ITPR2: variants seen among roughly 807,000 people sequenced by gnomAD.
ITPR2 encodes the protein inositol 1,4,5-trisphosphate-gated calcium channel ITPR2.
A neutral mutation model predicts 317.1 loss-of-function variants in ITPR2; 207 were observed. That is an observed-to-expected ratio of 0.65 (90% CI 0.58 to 0.73). The LOEUF (loss-of-function observed/expected upper bound fraction) is 0.73. ITPR2 is among the 30% of genes least tolerant of loss of function. The pLI is 0.00. For missense variants in ITPR2, 2,613 were observed against 3,284.0 expected, an observed-to-expected ratio of 0.80 and a Z score of 4.99; for synonymous variants, 1,156 against 1,149.1, an observed-to-expected ratio of 1.01 and a Z score of -0.12.
intron 55 of ITPR2, among the ~76,000 whole-genome samples, chr12:26,363,368 C>A (rs1938900851): frequency 6.6e-6 from 1 of 152,128 alleles, no homozygotes; most frequent in African/African-American, 2.4e-5. Context: ...TATAATATTT[C>A]ATTATATGCT....
intron 32 of ITPR2, among the ~76,000 whole-genome samples, chr12:26,587,955 G>T (rs1271912477): frequency 1.3e-5 from 2 of 152,206 alleles, no homozygotes; most frequent in Middle Eastern, 3.2e-3. Context: ...AGAACTTGCA[G>T]AATTTGTGGA....
chr12:26,453,274 T>C (rs1252184054), intron 45 of ITPR2, among the ~76,000 whole-genome samples: 1 of 152,218 alleles, frequency 6.6e-6, no homozygotes, highest in Non-Finnish European at 1.5e-5. Flanking sequence ...TGTAAGAATA[T>C]ACATCAATAT....
chr12:26,681,900 G>GT lies in ITPR2; in HGVS notation c.1382dup (p.Asn461LysfsTer8), dbSNP rs747495707. 6.2e-7 allele frequency: 1 copy of GT among 1,612,130 alleles called. No homozygotes were observed. Among genetic ancestry groups the GT allele is most frequent in the South Asian group, 1.1e-5 (1 of 90,904 alleles). On this transcript the variant is annotated frameshift_variant, in exon 13 of 57. Coordinates refer to ENST00000381340, the MANE Select transcript of ITPR2 (RefSeq NM_002223.4). LOFTEE classifies it high-confidence loss of function. Reference sequence around the variant, plus strand: ...TCCTTTCATTCTGAGTTATTGTGCCGTTTTCTAGCTTTTTAACTGTGGTCG... The same window carrying GT: ...TCCTTTCATTCTGAGTTATTGTGCCGTTTTTCTAGCTTTTTAACTGTGGTCG...
At chr12:26,474,520 G>A (rs1425975895) in intron 45 of ITPR2, among the ~76,000 whole-genome samples, 1 of 152,150 alleles carries the variant, frequency 6.6e-6, no homozygotes, top group East Asian at 1.9e-4. Context: ...AAGGCCGGGC[G>A]CGGTGGCTCA....
chr12:26,430,860 G>A (rs1941186909), intron 48 of ITPR2, among the ~76,000 whole-genome samples: 1 of 152,094 alleles, frequency 6.6e-6, no homozygotes, highest in South Asian at 2.1e-4. Flanking sequence ...AGAACATGCT[G>A]CTTCTTACTT....
intron 33 of ITPR2, 86 bp from the exon 34 acceptor site, chr12:26,578,919 A>T: frequency 7.6e-7 from 1 of 1,308,094 alleles, no homozygotes; most frequent in Non-Finnish European, 1.0e-6. Context: ...AGAAAGGTTC[A>T]TCAAAATAAA....
intron 55 of ITPR2, among the ~76,000 whole-genome samples, chr12:26,383,471 TTTGTTTG>T (rs2136621573): frequency 7.6e-6 from 1 of 131,136 alleles, no homozygotes; most frequent in East Asian, 4.0e-4. Flanking sequence ...TGTTTTTTTG[TTTGTTTG>T]TTTGTTTGTT....
chr12:26,739,722 A>C (rs1315993947), intron 2 of ITPR2, among the ~76,000 whole-genome samples: 1 of 152,226 alleles, frequency 6.6e-6, no homozygotes, highest in Non-Finnish European at 1.5e-5. Flanking sequence ...TATTGGCTGC[A>C]CAACTGTATA....
chr12:26,421,500 C>T (rs1940888059), intron 49 of ITPR2: 1 of 130,842 alleles, frequency 7.6e-6, no homozygotes, highest in Non-Finnish European at 1.6e-5. Context: ...GCTGTGAATT[C>T]TCCTTTCTTC....
chr12:26,411,374 T>C lies in ITPR2; in HGVS notation c.7345A>G (p.Met2449Val), dbSNP rs541833277. Residue 2449 changes from methionine to valine, a missense_variant, in exon 52 of 57, where the codon ATG becomes GTG. Transcript: ENST00000381340. ...CAGTTCTCCTTGGCACATGCTTCCA[T>C]CATGGTAGTTAAAGTCATAGTAGGC... ...QVPTMTLTTMMEACAKENCSP... is the reference protein window; with the variant it reads ...QVPTMTLTTMVEACAKENCSP... 4.3e-6 allele frequency: 7 copies of C among 1,613,640 alleles called. No individual in the cohort carries two copies. In the African/African-American group the frequency reaches 5.3e-5, roughly 12 times the overall value.
chr12:26,691,739 C>T (rs777691092), intron 10 of ITPR2, among the ~76,000 whole-genome samples: 4 of 152,030 alleles, frequency 2.6e-5, no homozygotes, highest in Non-Finnish European at 4.4e-5. Context: ...TTAGCACAGA[C>T]ATCACGTTGC....
At chr12:26,461,681 C>CAT (rs10599348) in intron 45 of ITPR2, among the ~76,000 whole-genome samples, 11 of 85,184 alleles carry the variant, frequency 1.3e-4, no homozygotes, top group African/African-American at 2.9e-4. Flanking sequence ...TGCACACATA[C>CAT]ATATATATAT....
intron 54 of ITPR2, among the ~76,000 whole-genome samples, chr12:26,390,888 G>A (rs1939812694): frequency 6.6e-6 from 1 of 152,182 alleles, no homozygotes; most frequent in Non-Finnish European, 1.5e-5. Context: ...TCTACCAGTT[G>A]CAAGGTAATG....
intron 55 of ITPR2, among the ~76,000 whole-genome samples, chr12:26,344,966 G>T (rs570356885): frequency 6.6e-6 from 1 of 151,964 alleles, no homozygotes; most frequent in African/African-American, 2.4e-5. Flanking sequence ...ATCTGTCTGT[G>T]TTTTGGTTTG....
At chr12:26,784,512 C>T (rs1053143334) in intron 2 of ITPR2, among the ~76,000 whole-genome samples, 2 of 151,238 alleles carry the variant, frequency 1.3e-5, no homozygotes, top group African/African-American at 4.9e-5. Flanking sequence ...GACTGGTTTT[C>T]GGTTTTTTTT....
At chr12:26,490,637 C>T (rs1022547048) in intron 39 of ITPR2, among the ~76,000 whole-genome samples, 2 of 152,128 alleles carry the variant, frequency 1.3e-5, no homozygotes, top group African/African-American at 4.8e-5. Context: ...CAGGATGAAA[C>T]CCTGTCTCTA....
intron 37 of ITPR2, among the ~76,000 whole-genome samples, chr12:26,537,696 T>C (rs1364138966): frequency 2.0e-5 from 3 of 152,236 alleles, no homozygotes; most frequent in Non-Finnish European, 4.4e-5. Flanking sequence ...TGTGCTCATT[T>C]ACATATCACA....
At chr12:26,572,397 T>A (rs530810180) in intron 34 of ITPR2, among the ~76,000 whole-genome samples, 1 of 152,346 alleles carries the variant, frequency 6.6e-6, no homozygotes, top group South Asian at 2.1e-4. Flanking sequence ...AAAAGGGGCC[T>A]AGTTTGGCAC....
At chr12:26,734,185 T>C (rs1239929547) in intron 2 of ITPR2, among the ~76,000 whole-genome samples, 2 of 152,216 alleles carry the variant, frequency 1.3e-5, no homozygotes, top group African/African-American at 4.8e-5. Context: ...AGCTCTAACC[T>C]AAAATTTCAA....
Sources: allele counts gnomAD v4.1 joint callset (sites outside exome capture counted in the v4.1 genomes callset), GRCh38; gene constraint gnomAD v4.1.1; transcripts MANE v1.5; gene names NCBI Gene and HGNC (gene_info 2026-07-23, HGNC 2026-07-21).